SCHIP1: variants seen among roughly 807,000 people sequenced by gnomAD.
SCHIP1 encodes schwannomin-interacting protein 1.
SCHIP1 carries 8 observed loss-of-function variants against 29.7 expected under a neutral mutation model. The ratio of observed to expected loss-of-function variants is 0.27; its 90% CI spans 0.16 to 0.49. SCHIP1 has a LOEUF of 0.49. SCHIP1 is among the 20% of genes least tolerant of loss of function. The pLI, the probability that SCHIP1 is intolerant of heterozygous loss-of-function variation, is 0.99. For synonymous variants in SCHIP1, 76 were observed against 94.9 expected, an observed-to-expected ratio of 0.80 and a Z score of 1.16; for missense variants, 193 against 294.6, an observed-to-expected ratio of 0.66 and a Z score of 2.52.
At chr3:159,506,338 T>C in the SCHIP1 span, among the ~76,000 whole-genome samples, 3 of 152,268 alleles carry the variant, frequency 2.0e-5, no homozygotes, top group African/African-American at 4.8e-5. Context: ...GTAAATTTGT[T>C]TGAGTTCTTT....
At chr3:159,704,417 TAA>T in the SCHIP1 span, among the ~76,000 whole-genome samples, 17,743 of 92,244 alleles carry the variant, frequency 0.19, 1,511 homozygotes, top group African/African-American at 0.28. Flanking sequence ...CAATTTTTTC[TAA>T]AAAAAAAAAA....
the SCHIP1 span, among the ~76,000 whole-genome samples, chr3:159,288,687 G>A: frequency 2.0e-5 from 3 of 152,316 alleles, no homozygotes; most frequent in African/African-American, 4.8e-5. Flanking sequence ...GCAGTGAGCC[G>A]AGATTGCGCC....
At chr3:159,756,300 G>T in the SCHIP1 span, among the ~76,000 whole-genome samples, 3 of 152,204 alleles carry the variant, frequency 2.0e-5, no homozygotes, top group Non-Finnish European at 2.9e-5. Flanking sequence ...TGACATCTAT[G>T]CACTCACAGG....
intron 2 of SCHIP1, among the ~76,000 whole-genome samples, chr3:159,869,071 T>C (rs1277927946): frequency 6.6e-6 from 1 of 152,094 alleles, no homozygotes; most frequent in Non-Finnish European, 1.5e-5. Context: ...TTGGGTCCTA[T>C]GCCAAATTGC....
chr3:159,685,677 C>G, the SCHIP1 span, among the ~76,000 whole-genome samples: 1 of 152,134 alleles, frequency 6.6e-6, no homozygotes, highest in Admixed American at 6.5e-5. Context: ...TTCTCAGTTT[C>G]CTTCTTCCTT....
At chr3:159,449,209 A>AATCTAATGT in the SCHIP1 span, among the ~76,000 whole-genome samples, 3 of 152,216 alleles carry the variant, frequency 2.0e-5, no homozygotes, top group Admixed American at 1.3e-4. Flanking sequence ...ATCAATATTT[A>AATCTAATGT]ATCTAATGTA....
the SCHIP1 span, among the ~76,000 whole-genome samples, chr3:159,476,136 C>T: frequency 6.6e-6 from 1 of 152,166 alleles, no homozygotes; most frequent in Non-Finnish European, 1.5e-5. Flanking sequence ...AACTATGTTT[C>T]TTAGTGGGCA....
the SCHIP1 span, among the ~76,000 whole-genome samples, chr3:159,620,643 T>C: frequency 6.6e-6 from 1 of 152,224 alleles, no homozygotes; most frequent in African/African-American, 2.4e-5. Flanking sequence ...GAAGGCACCA[T>C]TGGAGGCAGA....
chr3:159,459,038 T>G, the SCHIP1 span, among the ~76,000 whole-genome samples: 1 of 152,186 alleles, frequency 6.6e-6, no homozygotes, highest in Non-Finnish European at 1.5e-5. Flanking sequence ...AACTTTGGCA[T>G]CAAAAATTAC....
At chr3:159,517,646 TTTCA>T in the SCHIP1 span, among the ~76,000 whole-genome samples, 2 of 152,002 alleles carry the variant, frequency 1.3e-5, no homozygotes, top group Non-Finnish European at 2.9e-5. Context: ...AAAAACTATT[TTTCA>T]TTGTTTTTAA....
At chr3:159,474,616 G>C in the SCHIP1 span, among the ~76,000 whole-genome samples, 1 of 151,916 alleles carries the variant, frequency 6.6e-6, no homozygotes, top group Admixed American at 6.6e-5. Flanking sequence ...ATATAGATAG[G>C]GATCCCAAAC....
the SCHIP1 span, among the ~76,000 whole-genome samples, chr3:159,285,509 T>C: frequency 6.6e-6 from 1 of 152,174 alleles, no homozygotes; most frequent in Admixed American, 6.5e-5. Context: ...GAGCTCATTT[T>C]AATAACATAA....
the SCHIP1 span, among the ~76,000 whole-genome samples, chr3:159,647,834 GA>G: frequency 6.6e-6 from 1 of 152,248 alleles, no homozygotes; most frequent in African/African-American, 2.4e-5. Context: ...TTGGGAAGCA[GA>G]AAAGATTTGA....
the SCHIP1 span, among the ~76,000 whole-genome samples, chr3:159,828,788 G>A: frequency 6.6e-6 from 1 of 152,152 alleles, no homozygotes; most frequent in South Asian, 2.1e-4. Context: ...GTATTGGTAG[G>A]CAAGGCTATC....
the SCHIP1 span, among the ~76,000 whole-genome samples, chr3:159,536,386 G>A: frequency 4.6e-5 from 7 of 152,252 alleles, no homozygotes; most frequent in South Asian, 1.0e-3. Flanking sequence ...TTCATCCCAA[G>A]TTATTTGTTT....
the SCHIP1 span, among the ~76,000 whole-genome samples, chr3:159,714,478 G>A: frequency 2.6e-5 from 4 of 152,216 alleles, no homozygotes; most frequent in Admixed American, 1.3e-4. Flanking sequence ...AAGAAGTCGG[G>A]GAATTCCCTT....
chr3:159,615,194 G>A, the SCHIP1 span, among the ~76,000 whole-genome samples: 20 of 152,302 alleles, frequency 1.3e-4, no homozygotes, highest in Non-Finnish European at 2.4e-4. Flanking sequence ...CACAGGTCCC[G>A]TTCAGGGTTC....
chr3:159,292,637 G>A, the SCHIP1 span, among the ~76,000 whole-genome samples: 3 of 152,170 alleles, frequency 2.0e-5, no homozygotes, highest in African/African-American at 7.2e-5. Context: ...ATGTCATGAG[G>A]ACTGAGAGGT....
At chr3:159,872,929 T>C (rs1269684820) in intron 2 of SCHIP1, among the ~76,000 whole-genome samples, 1 of 152,174 alleles carries the variant, frequency 6.6e-6, no homozygotes, top group African/African-American at 2.4e-5. Context: ...CTTACAAAAG[T>C]ACTTGAGGGA....
Sources: gnomAD v4.1 joint callset for allele counts (sites outside exome capture counted in the v4.1 genomes callset) on GRCh38, gnomAD v4.1.1 for gene constraint, MANE v1.5 for transcripts, NCBI Gene and HGNC (gene_info 2026-07-23, HGNC 2026-07-21) for gene names.